Variants in ACTG2 observed in about 807,000 individuals in gnomAD.
ACTG2 encodes the protein actin, gamma-enteric smooth muscle.
Under a neutral mutation model 37.6 loss-of-function variants are expected in ACTG2, and 16 were observed. That is an observed-to-expected ratio of 0.43 (90% CI 0.29 to 0.65). The LOEUF (loss-of-function observed/expected upper bound fraction) is 0.65. Ranked by LOEUF, ACTG2 falls within the 30% of genes least tolerant of loss-of-function variation. ACTG2 has a pLI of 0.18. For synonymous variants in ACTG2, 181 were observed against 179.9 expected (o/e 1.01, Z -0.05); for missense variants, 238 against 490.9 (o/e 0.48, Z 4.87).
chr2:73,906,483 A>AATAAATAAATAC (rs142230122), intron 3 of ACTG2, among the ~76,000 whole-genome samples: 2,267 of 150,084 alleles, frequency 0.015, 20 homozygotes, highest in Non-Finnish European at 0.019. Context: ...TAAATAAATA[A>AATAAATAAATAC]ATACATAAAA....
intron 1 of ACTG2, among the ~76,000 whole-genome samples, chr2:73,901,071 A>G (rs985733948): frequency 3.3e-5 from 5 of 152,104 alleles, no homozygotes; most frequent in Admixed American, 2.0e-4. Context: ...TTAGGACTTC[A>G]ACATGAATTT....
intron 4 of ACTG2, 123 bp downstream of exon 4, chr2:73,908,906 C>T (rs1573468947): frequency 8.4e-7 from 1 of 1,188,432 alleles, no homozygotes. Flanking sequence ...TGTCTGTGGT[C>T]CATGCCAGGC....
At position 73,914,702 on chromosome 2, in the gene ACTG2, C is replaced by T; in HGVS notation, c.636C>T (p.Asp212=). 1 of 1,598,278 alleles carries T rather than the reference C, an allele frequency of 6.3e-7. No homozygotes were observed. Among genetic ancestry groups the T allele is most frequent in the Non-Finnish European group, 8.5e-7 (1 of 1,171,746 alleles). The change falls in exon 7 of 9, where the codon GAC becomes GAT. Residue 212 remains aspartate (D), a synonymous_variant. Coordinates refer to ENST00000345517, the MANE Select transcript of ACTG2 (RefSeq NM_001615.4). ...VTTAEREIVR[D]IKEKLCYVAL... ...CAGCTGAGAGAGAAATTGTGCGAGA[C>T]ATCAAGGAGAAGCTGTGCTATGTGG...
chr2:73,904,761 GTGTGTGTGTGTGTGTGTATATATATA>G (rs1468027326), intron 3 of ACTG2, among the ~76,000 whole-genome samples: 13 of 56,636 alleles, frequency 2.3e-4, no homozygotes, highest in Non-Finnish European at 3.1e-4. Context: ...GTGTGTGTGT[GTGTGTGTGTGTGTGTGTATATATATA>G]TATATATATA....
chr2:73,893,796 C>T (rs766715933), intron 1 of ACTG2, among the ~76,000 whole-genome samples: 2 of 152,088 alleles, frequency 1.3e-5, no homozygotes, highest in Admixed American at 6.5e-5. Flanking sequence ...TGTCATTACT[C>T]CCCCCAACCC....
intron 5 of ACTG2, among the ~76,000 whole-genome samples, chr2:73,911,681 C>G (rs1680142906): frequency 6.6e-6 from 1 of 152,192 alleles, no homozygotes; most frequent in Non-Finnish European, 1.5e-5. Flanking sequence ...GACGTGATGT[C>G]AGCTATGATG....
At chr2:73,900,420 G>GAGAA (rs1295100508) in intron 1 of ACTG2, among the ~76,000 whole-genome samples, 1 of 152,250 alleles carries the variant, frequency 6.6e-6, no homozygotes, top group Non-Finnish European at 1.5e-5. Flanking sequence ...GGCAGAAAAA[G>GAGAA]AGAAAGAAAG....
intron 3 of ACTG2, among the ~76,000 whole-genome samples, chr2:73,906,368 G>A (rs1326549819): frequency 6.6e-6 from 1 of 152,004 alleles, no homozygotes; most frequent in Admixed American, 6.5e-5. Flanking sequence ...GGAGAATGCC[G>A]TGAACCCGGG....
chr2:73,906,045 T>G (rs1473063113), intron 3 of ACTG2, among the ~76,000 whole-genome samples: 1 of 151,394 alleles, frequency 6.6e-6, no homozygotes, highest in Admixed American at 6.6e-5. Flanking sequence ...AAATAAATAA[T>G]GATAGTAATA....
At chr2:73,906,646 T>A (rs1680022753) in intron 3 of ACTG2, among the ~76,000 whole-genome samples, 1 of 151,920 alleles carries the variant, frequency 6.6e-6, no homozygotes, top group African/African-American at 2.4e-5. Flanking sequence ...TCCAGTTGAT[T>A]TTTTAATTTT....
At chr2:73,893,246 T>TGGGGCA (rs1679667692) in intron 1 of ACTG2, among the ~76,000 whole-genome samples, 195 bp downstream of exon 1, 1 of 152,192 alleles carries the variant, frequency 6.6e-6, no homozygotes, top group African/African-American at 2.4e-5. Context: ...TGGGACATCC[T>TGGGGCA]GGGGCAGGGG....
At chr2:73,893,607 G>A (rs1318527281) in intron 1 of ACTG2, among the ~76,000 whole-genome samples, 2 of 152,168 alleles carry the variant, frequency 1.3e-5, no homozygotes, top group Non-Finnish European at 1.5e-5. Flanking sequence ...AGTCCTTGAA[G>A]GCTCTAGGAT....
At chr2:73,897,044 G>A (rs831539) in intron 1 of ACTG2, 107,458 of 152,218 alleles carry the variant, frequency 0.71, 39,380 homozygotes, top group Admixed American at 0.81. Context: ...TTGGAGGCTC[G>A]ACTCCGCCAG....
intron 2 of ACTG2, 35 bp from the exon 3 acceptor site, chr2:73,902,325 C>T (rs764809256): frequency 6.2e-7 from 1 of 1,609,486 alleles, no homozygotes; most frequent in Admixed American, 1.7e-5. Context: ...GAGCCCTCAG[C>T]CATTCATTTC....
intron 7 of ACTG2, 28 bp downstream of exon 7, chr2:73,914,899 A>G: frequency 2.0e-6 from 3 of 1,496,794 alleles, no homozygotes; most frequent in African/African-American, 1.4e-5. Context: ...GTCCCTGCCA[A>G]TCTCAGGAGG....
intron 3 of ACTG2, among the ~76,000 whole-genome samples, chr2:73,905,657 A>G (rs1230621855): frequency 6.6e-6 from 1 of 152,202 alleles, no homozygotes; most frequent in Non-Finnish European, 1.5e-5. Context: ...GGGGTAAAAC[A>G]GCCACTTTTT....
At chr2:73,902,548 C>G (rs774749723) in intron 3 of ACTG2, 60 bp downstream of exon 3, 1 of 1,602,958 alleles carries the variant, frequency 6.2e-7, no homozygotes, top group Non-Finnish European at 8.5e-7. Context: ...TCATGACCCT[C>G]GTATTCATAG....
Position 73,913,751 on chromosome 2 carries a change from C to A in ACTG2, c.613+105C>A, listed in dbSNP as rs1680194876. ...AATTCTGTGACTCTGTGTCTTTAAA[C>A]TCTCCTGAGATAGACTGAGAGGCCT... On this transcript the variant is annotated intron_variant, in intron 6 of 8. Coordinates refer to ENST00000345517, the MANE Select transcript of ACTG2 (RefSeq NM_001615.4). The A allele has an allele frequency of 7.5e-6, 8 of 1,072,202 alleles. No individual in the cohort carries two copies. The Admixed American group carries it at 1.5e-4, about 20-fold the overall frequency. The allele number at this position is 1,072,202 out of a possible 1,614,324, so 66.4% of individuals were successfully genotyped here. A position where few individuals can be genotyped will look rare whatever the true frequency, so the allele number is the denominator to read the frequency against.
Position 73,919,550 on chromosome 2 carries a change from C to A in ACTG2, c.1106C>A (p.Ser369Tyr). ...CCTGAGTATGATGAGGCAGGGCCCT[C>A]CATTGTCCACAGGAAGTGCTTCTAA... is the stretch of plus-strand genomic sequence containing the variant. ...SKPEYDEAGPSIVHRKCF is the reference protein window; with the variant it reads ...SKPEYDEAGPYIVHRKCF The change falls in exon 9 of 9, where the codon TCC (serine) becomes TAC (tyrosine). Residue 369 changes from serine (S) to tyrosine (Y), a missense_variant. Transcript: ENST00000345517. 6.2e-7 allele frequency: 1 copy of A among 1,614,154 alleles called. No homozygotes were observed. Among genetic ancestry groups the A allele is most frequent in the Non-Finnish European group, 8.5e-7 (1 of 1,180,020 alleles).
Sources: gnomAD v4.1 joint callset for allele counts (sites outside exome capture counted in the v4.1 genomes callset) on GRCh38, gnomAD v4.1.1 for gene constraint, MANE v1.5 for transcripts, NCBI Gene and HGNC (gene_info 2026-07-23, HGNC 2026-07-21) for gene names.